WSCD2: variants seen among roughly 807,000 people sequenced by gnomAD.
WSCD2 encodes the protein WSC domain sialate O sulfotransferase 2.
A neutral mutation model predicts 55.7 loss-of-function variants in WSCD2; 28 were observed. That is an observed-to-expected ratio of 0.50 (90% CI 0.37 to 0.69). The LOEUF is 0.69. Ranked by LOEUF, WSCD2 falls within the 30% of genes least tolerant of loss-of-function variation. The pLI, the probability that WSCD2 is intolerant of heterozygous loss-of-function variation, is 0.00. For missense variants in WSCD2, 616 were observed against 762.1 expected (o/e 0.81, Z 2.26); for synonymous variants, 301 against 301.9 (o/e 1.00, Z 0.03).
At chr12:108,136,475 T>C (rs1450755438) in intron 1 of WSCD2, among the ~76,000 whole-genome samples, 1 of 152,208 alleles carries the variant, frequency 6.6e-6, no homozygotes, top group Admixed American at 6.5e-5. Context: ...AAGGTGGCCC[T>C]GCAGGACCCT....
In WSCD2 at chr12:108,240,559, A is replaced by AG; in HGVS notation, c.1345+17dup. On this transcript the variant is annotated intron_variant, in intron 8 of 8. Coordinates refer to ENST00000547525, the MANE Select transcript of WSCD2 (RefSeq NM_014653.4). ...GAAGGGCAAAGGTACAGCTCGGGAG[A>AG]GGAGGGGAGGGGAGGGGAGGGGCTT... The AG allele has an allele frequency of 2.7e-6, 1 of 377,302 alleles. No homozygotes were observed. Among genetic ancestry groups the AG allele is most frequent in the South Asian group, 3.4e-5 (1 of 29,812 alleles). 23.4% of individuals were successfully genotyped at this position (377,302 alleles called of 1,614,324 possible). A position where few individuals can be genotyped will look rare whatever the true frequency, so the allele number is the denominator to read the frequency against.
intron 1 of WSCD2, among the ~76,000 whole-genome samples, chr12:108,163,309 C>T (rs1181774512): frequency 6.6e-6 from 1 of 152,080 alleles, no homozygotes; most frequent in Non-Finnish European, 1.5e-5. Flanking sequence ...GCGGAGCTTG[C>T]AGTGAGCAGA....
intron 1 of WSCD2, among the ~76,000 whole-genome samples, chr12:108,166,756 CTTTCT>C (rs200227782): frequency 0.043 from 2,097 of 48,460 alleles, 43 homozygotes; most frequent in Non-Finnish European, 0.046. Context: ...TTCTTTCTTT[CTTTCT>C]TTTCTTTCTT....
At chr12:108,153,238 G>A (rs1255694101) in intron 1 of WSCD2, among the ~76,000 whole-genome samples, 2 of 152,228 alleles carry the variant, frequency 1.3e-5, no homozygotes, top group African/African-American at 2.4e-5. Flanking sequence ...GAGACCTAGA[G>A]ACTGGGTTTG....
chr12:108,164,806 G>A (rs1281971942), intron 1 of WSCD2, among the ~76,000 whole-genome samples: 1 of 152,156 alleles, frequency 6.6e-6, no homozygotes, highest in Non-Finnish European at 1.5e-5. Context: ...ATGCTTAGGA[G>A]ACAAGGAGGC....
Position 108,187,883 on chromosome 12 carries a change from C to T in WSCD2, c.-551-7399C>T, listed in dbSNP as rs960029619. Among the ~76,000 whole-genome samples, 14 of 152,154 alleles carry T rather than the reference C, an allele frequency of 9.2e-5. No homozygotes were observed. The East Asian group carries it at 9.7e-4, about 10-fold the overall frequency. ...TGACTCTGGCCCTGACCCCTTTCCA[C>T]GTTTCCTCTCCGTGGCCATTCCTGT... is the stretch of plus-strand genomic sequence containing the variant. On this transcript the variant is annotated intron_variant, in intron 1 of 8. Coordinates refer to ENST00000547525, the MANE Select transcript of WSCD2 (RefSeq NM_014653.4).
In WSCD2 at chr12:108,210,491, T is replaced by C. The variant is rs1886014404; in HGVS notation, c.682+186T>C. ...AGCCCTTTGCCCCAGCTCCTTTGAATGGTCCTGCATGCGCTTTTCTCTCCC... is the reference window on the plus strand; with the variant it reads ...AGCCCTTTGCCCCAGCTCCTTTGAACGGTCCTGCATGCGCTTTTCTCTCCC... On this transcript the variant is annotated intron_variant, in intron 4 of 8. Coordinates refer to ENST00000547525, the MANE Select transcript of WSCD2 (RefSeq NM_014653.4). This position sits in a 1 kb window ranked among gnomAD's most constrained non-coding sequence, Gnocchi z 4.3. Among the ~76,000 whole-genome samples the C allele has an allele frequency of 6.6e-6, 1 of 152,172 alleles. No homozygotes were observed. The highest frequency in any genetic ancestry group is 1.5e-5 in the Non-Finnish European group (1 of 68,032).
intron 1 of WSCD2, among the ~76,000 whole-genome samples, chr12:108,193,635 G>A (rs772097248): frequency 5.9e-5 from 9 of 152,066 alleles, no homozygotes; most frequent in Non-Finnish European, 1.0e-4. Flanking sequence ...ATGGATGGAC[G>A]GATGGGTTAA....
chr12:108,155,683 C>G (rs1017718912), intron 1 of WSCD2, among the ~76,000 whole-genome samples: 1 of 152,168 alleles, frequency 6.6e-6, no homozygotes. Context: ...TTGTTCTTAT[C>G]TAGATGATGG....
intron 1 of WSCD2, among the ~76,000 whole-genome samples, chr12:108,137,633 A>G (rs997228676): frequency 6.6e-6 from 1 of 152,254 alleles, no homozygotes; most frequent in South Asian, 2.1e-4. Flanking sequence ...CTCATCCCGT[A>G]ACTTCTGTCC....
At chr12:108,202,799 C>T (rs971482994) in intron 2 of WSCD2, among the ~76,000 whole-genome samples, 7 of 152,166 alleles carry the variant, frequency 4.6e-5, no homozygotes, top group African/African-American at 7.2e-5. Context: ...CAACAAACCT[C>T]GTGACACGAG....
At chr12:108,132,301 C>T (rs556265537) in intron 1 of WSCD2, among the ~76,000 whole-genome samples, 5 of 152,262 alleles carry the variant, frequency 3.3e-5, no homozygotes, top group South Asian at 2.1e-4. Flanking sequence ...TCTGAAAAAA[C>T]GAACAATTTG....
rs564789268 is a variant in WSCD2 at position 108,223,101 on chromosome 12, T to C, written c.683-1638T>C. 1.1e-4 allele frequency among the ~76,000 whole-genome samples: 17 copies of C among 152,336 alleles called. No individual in the cohort carries two copies. The South Asian group carries it at 3.5e-3, about 32-fold the overall frequency. On this transcript the variant is annotated intron_variant, in intron 4 of 8. Coordinates refer to ENST00000547525, the MANE Select transcript of WSCD2 (RefSeq NM_014653.4). ...GTTTGCTTTTAAGTCCCTCAACTGA[T>C]TGCATGAGGCTCACCCACATTATCA...
At position 108,232,912 on chromosome 12, in the gene WSCD2, G is replaced by A. The variant is rs757318147; in HGVS notation, c.1144+17G>A. 1.9e-6 allele frequency: 3 copies of A among 1,606,380 alleles called. No individual in the cohort carries two copies. The highest frequency in any genetic ancestry group is 2.7e-5 in the African/African-American group (2 of 74,794). ...ACAACAAAGGTGAGGAGATGGCAGGGAGGGCAGGGCAAGAGGTTCCCTGGG... is the reference window on the plus strand; with the variant it reads ...ACAACAAAGGTGAGGAGATGGCAGGAAGGGCAGGGCAAGAGGTTCCCTGGG... On this transcript the variant is annotated intron_variant, in intron 7 of 8. Transcript: ENST00000547525.
intron 1 of WSCD2, among the ~76,000 whole-genome samples, chr12:108,171,326 C>T (rs552197501): frequency 1.7e-4 from 11 of 63,686 alleles, no homozygotes; most frequent in South Asian, 6.4e-4. Context: ...GATGGAGGAA[C>T]GAAGAAGTCA....
chr12:108,230,576 A>G (rs779023829), intron 6 of WSCD2, among the ~76,000 whole-genome samples: 33 of 152,296 alleles, frequency 2.2e-4, no homozygotes, highest in Non-Finnish European at 4.1e-4. Flanking sequence ...GTCACCCAAA[A>G]AGTAAGTGGA....
chr12:108,229,295 G>A (rs186549403), intron 6 of WSCD2, among the ~76,000 whole-genome samples: 2 of 152,290 alleles, frequency 1.3e-5, no homozygotes, highest in African/African-American at 4.8e-5. Flanking sequence ...TCTTTTACCT[G>A]CCTTAAATCA....
At chr12:108,173,810 C>CTCTCTCTCTGTGTGTG (rs376999073) in intron 1 of WSCD2, among the ~76,000 whole-genome samples, 5 of 131,234 alleles carry the variant, frequency 3.8e-5, no homozygotes, top group African/African-American at 1.5e-4. Context: ...TCCTGGCTCT[C>CTCTCTCTCTGTGTGTG]TGTGTGTGTG....
chr12:108,174,429 C>T (rs1440484082), intron 1 of WSCD2, among the ~76,000 whole-genome samples: 3 of 152,010 alleles, frequency 2.0e-5, no homozygotes, highest in Admixed American at 6.5e-5. Context: ...ATTTTGATTT[C>T]GGGGGCTCCT....
Sources: gnomAD v4.1 joint callset for allele counts (sites outside exome capture counted in the v4.1 genomes callset) on GRCh38, gnomAD v4.1.1 for gene constraint, Gnocchi (gnomAD v3.1) non-coding constraint, MANE v1.5 for transcripts, NCBI Gene and HGNC (gene_info 2026-07-23, HGNC 2026-07-21) for gene names.